CHIT1: variants seen among roughly 807,000 people sequenced by gnomAD.
CHIT1 encodes the protein chitinase 1.
In CHIT1, 47 loss-of-function variants were observed where a neutral mutation model predicts 52.0. The observed-to-expected ratio is 0.90, with a 90% confidence interval of 0.71 to 1.15. CHIT1 has a LOEUF of 1.15. Among genes scored for constraint, CHIT1 ranks in the 50% most tolerant of loss-of-function variants. CHIT1 has a pLI of 0.00. For missense variants in CHIT1, 569 were observed against 583.0 expected (o/e 0.98, Z 0.25); for synonymous variants, 242 against 228.2 (o/e 1.06, Z -0.54).
At chr1:203,219,142 A>G in intron 9 of CHIT1, 74 bp downstream of exon 9, 1 of 821,480 alleles carries the variant, frequency 1.2e-6, no homozygotes, top group Non-Finnish European at 2.2e-6. Flanking sequence ...GAGGTCCTGA[A>G]CTGTCCTCAT....
rs1383687306 is a variant in CHIT1 at position 203,225,853 on chromosome 1, C to T, written c.73G>A (p.Val25Ile). Residue 25 changes from valine (V) to isoleucine (I), a missense_variant, in exon 3 of 11, where the codon GTC becomes ATC. Val to Ile is a conservative substitution (Grantham distance 29, BLOSUM62 3). Coordinates refer to ENST00000367229, the MANE Select transcript of CHIT1 (RefSeq NM_003465.3). ...TGGGCCCAGTTGGTGAAGTAGCAGA[C>T]CAGTTTTGCAGCAGAGCCTGGCCCG... ...MIPWGSAAKL[V>I]CYFTNWAQYR... 6.2e-7 allele frequency: 1 copy of T among 1,614,004 alleles called. No individual in the cohort carries two copies. The highest frequency in any genetic ancestry group is 2.2e-5 in the East Asian group (1 of 44,888).
At chr1:203,229,512 TC>T in intron 1 of CHIT1, 99 bp downstream of exon 1, 2 of 1,383,016 alleles carry the variant, frequency 1.4e-6, no homozygotes, top group Non-Finnish European at 2.0e-6. Context: ...TTCTCCTGAG[TC>T]CTCCTGCTTC....
At chr1:203,217,989 T>C in intron 9 of CHIT1, 124 bp from the exon 10 acceptor site, 1 of 1,537,356 alleles carries the variant, frequency 6.5e-7, no homozygotes, top group Non-Finnish European at 8.7e-7. Context: ...TGAGTGGCTG[T>C]AGATTCTGGA....
chr1:203,225,578 A>G (rs1571849828), intron 3 of CHIT1, 91 bp downstream of exon 3: 1 of 1,302,780 alleles, frequency 7.7e-7, no homozygotes. Flanking sequence ...CTGTGGCAGG[A>G]CCTTAGTGCT....
chr1:203,224,953 A>C lies in CHIT1; in HGVS notation c.314+95T>G, dbSNP rs193140055. 57 of 1,159,264 alleles carry C rather than the reference A, an allele frequency of 4.9e-5. 2 individuals are homozygous for C. In the African/African-American group the frequency reaches 6.6e-4, roughly 13 times the overall value. The allele number at this position is 1,159,264 out of a possible 1,614,324, so 71.8% of individuals were successfully genotyped here. On this transcript the variant is annotated intron_variant, in intron 4 of 10. Transcript: ENST00000367229. Reference sequence around the variant, plus strand: ...CTCCCCTTTCCCCTGACCACACCTCAGCCTGGCCTGATTCCCTGACCAGGG... The same window carrying C: ...CTCCCCTTTCCCCTGACCACACCTCCGCCTGGCCTGATTCCCTGACCAGGG...
intron 1 of CHIT1, 43 bp from the exon 2 acceptor site, chr1:203,228,605 C>A: frequency 6.4e-7 from 1 of 1,561,844 alleles, no homozygotes; most frequent in Non-Finnish European, 8.7e-7. Context: ...TGCTGCCATT[C>A]TCACCTTCCC....
At chr1:203,222,384 C>G (rs1162784480) in intron 6 of CHIT1, 59 bp from the exon 7 acceptor site, 2 of 1,611,888 alleles carry the variant, frequency 1.2e-6, no homozygotes, top group Non-Finnish European at 1.7e-6. Context: ...GGTAGCCCTT[C>G]TTTCTCACTC....
Position 203,225,677 on chromosome 1 carries a change from C to T in CHIT1, c.249G>A (p.Leu83=), listed in dbSNP as rs547556584. ...DETLYQEFNG[L]KKMNPKLKTL... Reference sequence around the variant, plus strand: ...CCTCTGCTTTGGCTCACATCTTCTTCAGGCCATTGAACTCCTGGTAGAGAG... The same window carrying T: ...CCTCTGCTTTGGCTCACATCTTCTTTAGGCCATTGAACTCCTGGTAGAGAG... The change falls in exon 3 of 11, where the codon CTG becomes CTA. Residue 83 remains leucine, a synonymous_variant. Coordinates refer to ENST00000367229, the MANE Select transcript of CHIT1 (RefSeq NM_003465.3). The T allele has an allele frequency of 1.9e-6, 3 of 1,603,620 alleles. No individual in the cohort carries two copies. In the East Asian group the frequency reaches 6.8e-5, roughly 36 times the overall value.
chr1:203,222,247 G>A lies in CHIT1; in HGVS notation c.684C>T (p.Leu228=). ...CACCACTCTCTTCTTGCCTCTTGTAGAGGGGGCTGTTATGTCCCGTGACCT... is the reference window on the plus strand; with the variant it reads ...CACCACTCTCTTCTTGCCTCTTGTAAAGGGGGCTGTTATGTCCCGTGACCT... ...WEKVTGHNSP[L]YKRQEESGAA... Residue 228 remains leucine (L), a synonymous_variant, in exon 7 of 11, where the codon CTC becomes CTT. Transcript: ENST00000367229. 6.2e-7 allele frequency: 1 copy of A among 1,614,222 alleles called. No homozygotes were observed. The highest frequency in any genetic ancestry group is 1.1e-5 in the South Asian group (1 of 91,090).
chr1:203,224,973 C>A, intron 4 of CHIT1, 75 bp downstream of exon 4: 3 of 1,376,400 alleles, frequency 2.2e-6, no homozygotes, highest in Non-Finnish European at 3.1e-6. Flanking sequence ...GATTCCCTGA[C>A]CAGGGCTCCC....
rs563812214 is a variant in CHIT1, at chr1:203,216,805, G to A, written c.*84C>T. 6.4e-5 allele frequency: 100 copies of A among 1,574,588 alleles called. 1 individual carries two copies. The highest frequency in any genetic ancestry group is 4.1e-4 in the South Asian group (37 of 89,582). ...GAAAGGCCTGCAGGAGCCAGATTGCGGCCCCCAGGGAAAACCCAGGAGGCA... is the reference window on the plus strand; with the variant it reads ...GAAAGGCCTGCAGGAGCCAGATTGCAGCCCCCAGGGAAAACCCAGGAGGCA... On this transcript the variant is annotated 3_prime_UTR_variant, in exon 11 of 11. Transcript: ENST00000367229.
intron 6 of CHIT1, 107 bp from the exon 7 acceptor site, chr1:203,222,432 G>T (rs1656773647): frequency 1.3e-6 from 2 of 1,547,548 alleles, no homozygotes; most frequent in African/African-American, 2.7e-5. Flanking sequence ...GGAACCACTG[G>T]GGTCAGAGGC....
intron 6 of CHIT1, among the ~76,000 whole-genome samples, chr1:203,222,877 C>T (rs1656788157): frequency 6.6e-6 from 1 of 152,070 alleles, no homozygotes; most frequent in South Asian, 2.1e-4. Flanking sequence ...AATGAGTTCC[C>T]GAGGAAGAGG....
rs1656773942 is a variant in CHIT1, at chr1:203,222,440, G to A, written c.606-115C>T. The A allele has an allele frequency of 1.3e-5, 19 of 1,497,728 alleles. No individual in the cohort carries two copies. In the South Asian group the frequency reaches 2.0e-4, roughly 16 times the overall value. The allele number at this position is 1,497,728 out of a possible 1,614,324, so 92.8% of individuals were successfully genotyped here. A position where few individuals can be genotyped will look rare whatever the true frequency, so the allele number is the denominator to read the frequency against. On this transcript the variant is annotated intron_variant, in intron 6 of 10. Transcript: ENST00000367229. ...CTAGGGAGGAACCACTGGGGTCAGAGGCAAAGGTGGCAGGCTCACCTGGCT... is the reference window on the plus strand; with the variant it reads ...CTAGGGAGGAACCACTGGGGTCAGAAGCAAAGGTGGCAGGCTCACCTGGCT...
intron 9 of CHIT1, 25 bp downstream of exon 9, chr1:203,219,191 C>G (rs951625442): frequency 1.6e-6 from 2 of 1,265,566 alleles, no homozygotes; most frequent in African/African-American, 2.9e-5. Context: ...AGGACCACCC[C>G]TCTGCCAGCA....
At chr1:203,218,417 G>C (rs1262137070) in intron 9 of CHIT1, among the ~76,000 whole-genome samples, 1 of 152,116 alleles carries the variant, frequency 6.6e-6, no homozygotes, top group Non-Finnish European at 1.5e-5. Flanking sequence ...AACCCTGCCA[G>C]GGGGCCATGG....
In CHIT1 at chr1:203,216,979, G is replaced by T. The variant is rs759086746; in HGVS notation, c.1311C>A (p.Phe437Leu). 1.2e-6 allele frequency: 2 copies of T among 1,614,226 alleles called. No individual in the cohort carries two copies. The highest frequency in any genetic ancestry group is 1.7e-6 in the Non-Finnish European group (2 of 1,180,012). ...LYPNPRERSS[F>L]YSCAAGRLFQ... ...ACAGCCGCCCCGCTGCACAGCTGTA[G>T]AAGCTGGACCGTTCCCGAGGATTGG... The change falls in exon 11 of 11, where the codon TTC (phenylalanine) becomes TTA (leucine). Residue 437 changes from phenylalanine to leucine, a missense_variant. Physicochemically the swap from Phe to Leu is conservative, Grantham distance 22. Transcript: ENST00000367229.
At chr1:203,224,496 T>C (rs1297861298) in intron 4 of CHIT1, among the ~76,000 whole-genome samples, 3 of 152,218 alleles carry the variant, frequency 2.0e-5, no homozygotes, top group African/African-American at 7.2e-5. Flanking sequence ...AAAGACTGTT[T>C]AGAGCTTTGG....
At chr1:203,229,744 G>T (rs780536177), upstream of CHIT1, 11 of 1,359,540 alleles carry the variant, frequency 8.1e-6, no homozygotes, top group East Asian at 2.2e-4. Context: ...TTGCAATCAG[G>T]GGCACTGGGT....
Sources: allele counts gnomAD v4.1 joint callset (sites outside exome capture counted in the v4.1 genomes callset), GRCh38; gene constraint gnomAD v4.1.1; transcripts MANE v1.5; gene names NCBI Gene and HGNC (gene_info 2026-07-23, HGNC 2026-07-21).